Variants in IMMP2L observed in about 807,000 individuals in gnomAD.
IMMP2L encodes the protein inner mitochondrial membrane peptidase subunit 2.
IMMP2L carries 18 observed loss-of-function variants against 19.3 expected under a neutral mutation model. The ratio of observed to expected loss-of-function variants is 0.93; its 90% CI spans 0.64 to 1.38. The LOEUF is 1.38. IMMP2L is among the 40% of genes most tolerant of loss of function. The pLI is 0.00. For synonymous variants in IMMP2L, 76 were observed against 73.0 expected (o/e 1.04, Z -0.21); for missense variants, 233 against 218.2 (o/e 1.07, Z -0.43).
chr7:111,176,364 A>C (rs925194192), intron 3 of IMMP2L, among the ~76,000 whole-genome samples: 2 of 152,054 alleles, frequency 1.3e-5, no homozygotes, highest in Non-Finnish European at 2.9e-5. Context: ...ATTTGGAAGC[A>C]ACCTAGATTT....
chr7:111,396,257 C>A (rs1045917782), intron 3 of IMMP2L, among the ~76,000 whole-genome samples: 1 of 152,080 alleles, frequency 6.6e-6, no homozygotes, highest in Non-Finnish European at 1.5e-5. Flanking sequence ...TGGAACCAAC[C>A]TAAATGCCCA....
intron 1 of IMMP2L, among the ~76,000 whole-genome samples, chr7:111,555,127 T>C (rs796211251): frequency 6.6e-6 from 1 of 152,170 alleles, no homozygotes; most frequent in African/African-American, 2.4e-5. Flanking sequence ...CCAGGGCCTT[T>C]ACCATAGCAG....
At chr7:110,878,857 A>G (rs1381885129) in intron 5 of IMMP2L, among the ~76,000 whole-genome samples, 2 of 152,204 alleles carry the variant, frequency 1.3e-5, no homozygotes, top group Non-Finnish European at 2.9e-5. Flanking sequence ...TAATAATTAA[A>G]TTCAGTCATC....
intron 2 of IMMP2L, among the ~76,000 whole-genome samples, chr7:111,518,661 A>C (rs572096545): frequency 6.6e-6 from 1 of 152,284 alleles, no homozygotes; most frequent in African/African-American, 2.4e-5. Flanking sequence ...GTCTTCAAAT[A>C]TGTTGAATTA....
At chr7:110,858,265 G>T (rs949964715) in intron 5 of IMMP2L, among the ~76,000 whole-genome samples, 1 of 152,072 alleles carries the variant, frequency 6.6e-6, no homozygotes, top group Non-Finnish European at 1.5e-5. Context: ...GCTTGGGCTT[G>T]TTCTATTTTT....
chr7:110,702,134 C>T (rs1301370563), intron 5 of IMMP2L, among the ~76,000 whole-genome samples: 1 of 151,636 alleles, frequency 6.6e-6, no homozygotes, highest in Non-Finnish European at 1.5e-5. Context: ...GGATTTTCAC[C>T]GTGTTGCCCA....
intron 5 of IMMP2L, among the ~76,000 whole-genome samples, chr7:110,828,061 A>T (rs1803662219): frequency 6.6e-6 from 1 of 152,118 alleles, no homozygotes; most frequent in African/African-American, 2.4e-5. Context: ...TCCTATCCAG[A>T]TTTTTTAGTC....
At chr7:111,034,438 T>C (rs543073767) in intron 3 of IMMP2L, among the ~76,000 whole-genome samples, 6 of 152,222 alleles carry the variant, frequency 3.9e-5, no homozygotes, top group Non-Finnish European at 7.4e-5. Context: ...ACGAATGAGT[T>C]GCGTCTTAAG....
chr7:110,875,016 T>C (rs904161397), intron 5 of IMMP2L, among the ~76,000 whole-genome samples: 4 of 152,114 alleles, frequency 2.6e-5, no homozygotes, highest in African/African-American at 4.8e-5. Context: ...GGAATCCTCA[T>C]GGCCTAATGA....
chr7:110,713,559 ATTTG>A (rs1372902204), intron 5 of IMMP2L, among the ~76,000 whole-genome samples: 4 of 151,686 alleles, frequency 2.6e-5, no homozygotes, highest in African/African-American at 7.3e-5. Context: ...ATGTTTTTCC[ATTTG>A]TTTGTGTCAT....
chr7:111,269,215 C>T (rs1465637642), intron 3 of IMMP2L, among the ~76,000 whole-genome samples: 2 of 152,180 alleles, frequency 1.3e-5, no homozygotes, highest in African/African-American at 4.8e-5. Context: ...ATTTAAGAAA[C>T]ACTTTTATCT....
intron 3 of IMMP2L, among the ~76,000 whole-genome samples, chr7:111,267,180 G>A (rs1195986409): frequency 2.0e-5 from 3 of 151,882 alleles, no homozygotes; most frequent in Admixed American, 6.6e-5. Flanking sequence ...CCAAGCTGTG[G>A]GGTTGATAAT....
intron 5 of IMMP2L, among the ~76,000 whole-genome samples, chr7:110,748,179 C>G (rs953052385): frequency 6.6e-6 from 1 of 151,972 alleles, no homozygotes; most frequent in Admixed American, 6.5e-5. Context: ...ACCTAGGAAC[C>G]CAACTTATAA....
chr7:111,192,000 G>A (rs555615746), intron 3 of IMMP2L, among the ~76,000 whole-genome samples: 4 of 152,112 alleles, frequency 2.6e-5, no homozygotes, highest in African/African-American at 4.8e-5. Flanking sequence ...AGAATCTGGC[G>A]AAAGGTAATG....
At chr7:111,439,007 G>T (rs1837459299) in intron 3 of IMMP2L, among the ~76,000 whole-genome samples, 1 of 151,722 alleles carries the variant, frequency 6.6e-6, no homozygotes, top group Admixed American at 6.6e-5. Context: ...AACATTACTT[G>T]GCAACAAAAG....
chr7:111,489,210 A>AT (rs887477739), intron 2 of IMMP2L, among the ~76,000 whole-genome samples: 227 of 151,352 alleles, frequency 1.5e-3, no homozygotes, highest in African/African-American at 5.3e-3. Context: ...CGCCCAGCTA[A>AT]TTTTTTTTAT....
chr7:111,352,129 C>A (rs753078480), intron 3 of IMMP2L, among the ~76,000 whole-genome samples: 1 of 152,042 alleles, frequency 6.6e-6, no homozygotes, highest in African/African-American at 2.4e-5. Context: ...AGTCAATTAG[C>A]CAGATGTTTG....
intron 5 of IMMP2L, among the ~76,000 whole-genome samples, chr7:110,778,577 T>C (rs1216688276): frequency 2.0e-5 from 3 of 152,038 alleles, no homozygotes; most frequent in African/African-American, 4.8e-5. Context: ...TATTCCTCCA[T>C]ATTTCAGAAA....
chr7:111,298,906 G>A (rs546269922), intron 3 of IMMP2L, among the ~76,000 whole-genome samples: 1 of 152,138 alleles, frequency 6.6e-6, no homozygotes, highest in South Asian at 2.1e-4. Context: ...TGAAAGAAAA[G>A]TAATAAACTA....
Sources: allele counts gnomAD v4.1 joint callset (sites outside exome capture counted in the v4.1 genomes callset), GRCh38; gene constraint gnomAD v4.1.1; transcripts MANE v1.5; gene names NCBI Gene and HGNC (gene_info 2026-07-23, HGNC 2026-07-21).